FMR1: variants seen among roughly 807,000 people sequenced by gnomAD.
FMR1 encodes fragile X messenger ribonucleoprotein 1, also known as FMRP translational regulator 1.
FMR1 carries 13 observed loss-of-function variants against 50.6 expected under a neutral mutation model. The observed-to-expected ratio is 0.26, with a 90% CI of 0.17 to 0.41. FMR1 has a LOEUF of 0.41. Ranked by LOEUF, FMR1 falls within the 10% of genes least tolerant of loss-of-function variation. The probability of loss-of-function intolerance (pLI) is 1.00; values close to 1 mark genes in which losing one functional copy is unlikely to be tolerated. For missense variants in FMR1, 316 were observed against 491.3 expected, an observed-to-expected ratio of 0.64 and a Z score of 3.37; for synonymous variants, 138 against 164.1, an observed-to-expected ratio of 0.84 and a Z score of 1.22.
intron 9 of FMR1, among the ~76,000 whole-genome samples, chrX:147,934,463 A>G (rs190483443): frequency 1.8e-5 from 2 of 111,344 alleles, no homozygotes; most frequent in African/African-American, 6.5e-5. Flanking sequence ...ATTGGAAGAT[A>G]TAGTAGGGGA....
Position 147,925,644 on chromosome X carries a change from C to T in FMR1, c.198+11C>T. On this transcript the variant is annotated intron_variant, in intron 3 of 16. Transcript: ENST00000370475. ...AGTGATGAAGTTGAGGTGAGTTTTCCCTGCCATAAAGTCATTTAGCACTGA... is the reference window on the plus strand; with the variant it reads ...AGTGATGAAGTTGAGGTGAGTTTTCTCTGCCATAAAGTCATTTAGCACTGA... 1.8e-6 allele frequency: 2 copies of T among 1,095,535 alleles called. No homozygotes were observed. The highest frequency in any genetic ancestry group is 2.5e-6 in the Non-Finnish European group (2 of 790,042). 90.3% of individuals were successfully genotyped at this position (1,095,535 alleles called of 1,213,427 possible).
chrX:147,950,520 A>G lies in FMR1; in HGVS notation c.*1676A>G, dbSNP rs2044292373. 1 of 329,710 alleles carries G rather than the reference A, an allele frequency of 3.0e-6. No homozygotes were observed. Among genetic ancestry groups the G allele is most frequent in the Non-Finnish European group, 5.9e-6 (1 of 169,934 alleles). 27.2% of individuals were successfully genotyped at this position (329,710 alleles called of 1,213,427 possible). A position where few individuals can be genotyped will look rare whatever the true frequency, so the allele number is the denominator to read the frequency against. ...CTTGTAATGTAACTGCTCTTGGGCA[A>G]TATTCTCTGTACATATTAGCGACAA... On this transcript the variant is annotated 3_prime_UTR_variant, in exon 17 of 17. Coordinates refer to ENST00000370475, the MANE Select transcript of FMR1 (RefSeq NM_002024.6).
intron 15 of FMR1, among the ~76,000 whole-genome samples, 153 bp downstream of exon 15, chrX:147,945,204 T>TAA (rs2044133637): frequency 8.9e-6 from 1 of 111,817 alleles, no homozygotes; most frequent in Admixed American, 9.4e-5. Flanking sequence ...TCCACTTGTG[T>TAA]AGAAAGAAAG....
Position 147,936,566 on chromosome X carries a change from A to C in FMR1, c.943A>C (p.Arg315=), listed in dbSNP as rs2124537381. ...GATTGTGGACAAGTCAGGAGTTGTG[A>C]GGGTGAGGATTGAGGCTGAAAATGA... ...QEIVDKSGVV[R]VRIEAENEKN... is the part of the protein sequence containing the mutation. The change falls in exon 10 of 17, where the codon AGG becomes CGG. Residue 315 remains arginine (R), a synonymous_variant. Transcript: ENST00000370475. 8.3e-7 allele frequency: 1 copy of C among 1,200,179 alleles called. No individual in the cohort carries two copies. Among genetic ancestry groups the C allele is most frequent in the East Asian group, 3.0e-5 (1 of 33,785 alleles).
chrX:147,942,674 G>A (rs1283312935), intron 13 of FMR1, among the ~76,000 whole-genome samples: 11 of 112,191 alleles, frequency 9.8e-5, no homozygotes, highest in Non-Finnish European at 3.8e-5. Flanking sequence ...GATATTAACT[G>A]GCAAATCTAT....
In FMR1 at chrX:147,940,608, G is replaced by A; in HGVS notation, c.1221G>A (p.Lys407=). The change falls in exon 13 of 17, where the codon AAG becomes AAA. Residue 407 remains lysine, a synonymous_variant. Transcript: ENST00000370475. ...GMVPFVFVGT[K]DSIANATVLL... ...TACCATTTGTTTTTGTGGGAACAAA[G>A]GACAGCATCGCTAATGCCACTGTTC... The A allele has an allele frequency of 8.3e-7, 1 of 1,203,545 alleles. No individual in the cohort carries two copies. The highest frequency in any genetic ancestry group is 1.1e-6 in the Non-Finnish European group (1 of 888,297).
intron 11 of FMR1, 28 bp downstream of exon 11, chrX:147,937,628 C>T: frequency 1.4e-6 from 1 of 704,086 alleles, no homozygotes; most frequent in Non-Finnish European, 2.3e-6. Context: ...CTTTGAATTA[C>T]AATACAAGTA....
At chrX:147,927,988 T>A (rs2043449411) in intron 3 of FMR1, 1 of 183,377 alleles carries the variant, frequency 5.5e-6, no homozygotes, top group South Asian at 1.6e-4. Context: ...CATTTTTAGA[T>A]ACATTTTTTG....
chrX:147,920,027 G>A (rs781888392), intron 1 of FMR1, among the ~76,000 whole-genome samples: 1 of 112,283 alleles, frequency 8.9e-6, no homozygotes, highest in Non-Finnish European at 1.9e-5. Flanking sequence ...GGACACCGAA[G>A]TTAGAGAATG....
chrX:147,944,579 A>G lies in FMR1; in HGVS notation c.1472-290A>G, dbSNP rs1256019983. 6 of 944,114 alleles carry G rather than the reference A, an allele frequency of 6.4e-6. No homozygotes were observed. The African/African-American group carries it at 1.0e-4, about 16-fold the overall frequency. The allele number at this position is 944,114 out of a possible 1,213,427, so 77.8% of individuals were successfully genotyped here. On this transcript the variant is annotated intron_variant, in intron 14 of 16. Transcript: ENST00000370475. ...TATAGATGTTTAAAGGAACACAGCT[A>G]TTTAATGATATGGCACATCAAGGTT...
At chrX:147,940,225 C>T in intron 12 of FMR1, 1 of 175,519 alleles carries the variant, frequency 5.7e-6, no homozygotes, top group Non-Finnish European at 1.1e-5. Flanking sequence ...AGGATAAAGC[C>T]TTTCATAAAT....
chrX:147,944,168 A>T (rs1404544449), intron 14 of FMR1: 2 of 751,621 alleles, frequency 2.7e-6, no homozygotes, highest in Non-Finnish European at 3.1e-6. Context: ...TGTTCTTTTT[A>T]CTCATGAATT....
At position 147,928,775 on chromosome X, in the gene FMR1, C is replaced by T. The variant is rs1557178065; in HGVS notation, c.387C>T (p.Ile129=). ...CCACAAAAGATACTTTCCATAAGAT[C>T]AAGCTGGATGTGCCAGAAGACTTAC... ...KPATKDTFHK[I]KLDVPEDLRQ... Residue 129 remains isoleucine, a synonymous_variant, in exon 5 of 17, where the codon ATC becomes ATT. Coordinates refer to ENST00000370475, the MANE Select transcript of FMR1 (RefSeq NM_002024.6). 1 of 1,210,917 alleles carries T rather than the reference C, an allele frequency of 8.3e-7. No homozygotes were observed. Among genetic ancestry groups the T allele is most frequent in the East Asian group, 3.0e-5 (1 of 33,815 alleles).
At chrX:147,926,639 C>G (rs187559657) in intron 3 of FMR1, among the ~76,000 whole-genome samples, 15 of 110,508 alleles carry the variant, frequency 1.4e-4, no homozygotes, top group African/African-American at 4.6e-4. Context: ...AGTCGCCCAC[C>G]ACCACGCCCA....
rs201041299 is a variant in FMR1, at chrX:147,948,744, G to T, written c.1799G>T (p.Ser600Ile). The T allele has an allele frequency of 8.3e-7, 1 of 1,208,406 alleles. No individual in the cohort carries two copies. Among genetic ancestry groups the T allele is most frequent in the African/African-American group, 1.7e-5 (1 of 57,222 alleles). Residue 600 changes from serine (S) to isoleucine (I), a missense_variant, in exon 17 of 17, where the codon AGT becomes ATT. Physicochemically the swap from Ser to Ile is moderately radical, Grantham distance 142. Transcript: ENST00000370475. ...VHTKTLQNTS[S>I]EGSRLRTGKD... ...ACTAAAACATTACAGAATACCTCCA[G>T]TGAAGGTAGTCGGCTGCGCACGGGT...
chrX:147,933,156 AG>A (rs1364634370), intron 9 of FMR1, among the ~76,000 whole-genome samples: 1 of 107,113 alleles, frequency 9.3e-6, no homozygotes, highest in Non-Finnish European at 1.9e-5. Context: ...ATATTTGTTA[AG>A]TATGATGCTC....
At chrX:147,926,358 G>A (rs1393830680) in intron 3 of FMR1, among the ~76,000 whole-genome samples, 1 of 111,703 alleles carries the variant, frequency 9.0e-6, no homozygotes, top group Non-Finnish European at 1.9e-5. Flanking sequence ...ACAATAATAA[G>A]CATAATGCCT....
intron 12 of FMR1, among the ~76,000 whole-genome samples, chrX:147,939,202 A>T (rs1416156844): frequency 1.8e-5 from 2 of 111,863 alleles, no homozygotes; most frequent in Non-Finnish European, 3.8e-5. Context: ...GCCAGTTATT[A>T]ATTTGCACAA....
At chrX:147,921,879 A>C (rs782303727) in intron 1 of FMR1, 54 bp from the exon 2 acceptor site, 1 of 851,687 alleles carries the variant, frequency 1.2e-6, no homozygotes, top group Admixed American at 2.3e-5. Flanking sequence ...ATTTAACTAA[A>C]AACAAAAACT....
Sources: gnomAD v4.1 joint callset for allele counts (sites outside exome capture counted in the v4.1 genomes callset) on GRCh38, gnomAD v4.1.1 for gene constraint, MANE v1.5 for transcripts, NCBI Gene and HGNC (gene_info 2026-07-23, HGNC 2026-07-21) for gene names.